Variants in LDLRAD4 observed in about 807,000 individuals in gnomAD.
LDLRAD4 encodes low density lipoprotein receptor class A domain containing 4, also known as low-density lipoprotein receptor class A domain-containing protein 4.
In LDLRAD4, 5 loss-of-function variants were observed where a neutral mutation model predicts 17.0. The observed-to-expected ratio is 0.29, with a 90% confidence interval of 0.15 to 0.62. LDLRAD4 has a LOEUF of 0.62. LDLRAD4 is among the 20% of genes least tolerant of loss of function. The probability of loss-of-function intolerance (pLI) is 0.84; values close to 1 mark genes in which losing one functional copy is unlikely to be tolerated. For synonymous variants in LDLRAD4, 168 were observed against 171.8 expected (o/e 0.98, Z 0.17); for missense variants, 340 against 424.7 (o/e 0.80, Z 1.75).
chr18:13,486,142 AC>A (rs775197130), intron 3 of LDLRAD4, among the ~76,000 whole-genome samples: 8 of 152,176 alleles, frequency 5.3e-5, no homozygotes, highest in Non-Finnish European at 1.2e-4. Context: ...CTGGATTTTA[AC>A]CCCGTTCTCT....
intron 1 of LDLRAD4, among the ~76,000 whole-genome samples, chr18:13,245,308 C>T (rs1003705649): frequency 3.3e-5 from 5 of 152,136 alleles, no homozygotes; most frequent in East Asian, 1.9e-4. Context: ...GAGACAGGCA[C>T]GTGAGGGCAG....
At chr18:13,428,139 A>G (rs2090080235) in intron 2 of LDLRAD4, among the ~76,000 whole-genome samples, 2 of 152,234 alleles carry the variant, frequency 1.3e-5, no homozygotes, top group African/African-American at 4.8e-5. Flanking sequence ...AAGAAATATG[A>G]TGTGTATATT....
intron 2 of LDLRAD4, among the ~76,000 whole-genome samples, chr18:13,396,967 TA>T (rs1206302829): frequency 2.0e-5 from 3 of 152,188 alleles, no homozygotes; most frequent in African/African-American, 7.2e-5. Context: ...AGAATTCCTT[TA>T]AAGAAGCTAT....
intron 3 of LDLRAD4, among the ~76,000 whole-genome samples, chr18:13,619,695 G>A (rs1336488625): frequency 2.0e-5 from 3 of 152,180 alleles, no homozygotes; most frequent in African/African-American, 7.2e-5. Flanking sequence ...CTGGGGCGGG[G>A]CCGGCAGGCC....
intron 2 of LDLRAD4, chr18:13,421,025 G>GT (rs2089396792): frequency 6.6e-6 from 1 of 152,238 alleles, no homozygotes; most frequent in Non-Finnish European, 1.5e-5. Context: ...AGGCACGCCA[G>GT]GGACGCTGAG....
At chr18:13,275,366 G>A (rs1222083260), upstream of LDLRAD4, among the ~76,000 whole-genome samples, 2 of 152,236 alleles carry the variant, frequency 1.3e-5, no homozygotes, top group African/African-American at 2.4e-5. Flanking sequence ...AATGAAATCA[G>A]TGCTGGAGAA....
rs61241675 is a variant in LDLRAD4 at position 13,586,862 on chromosome 18, T to TA, written c.182-34239dup. 3.3e-3 allele frequency among the ~76,000 whole-genome samples: 348 copies of TA among 104,102 alleles called. 5 individuals carry two copies. The East Asian group carries it at 0.034, about 10-fold the overall frequency. 68.3% of individuals were successfully genotyped at this position (104,102 alleles called of 152,430 possible). A position where few individuals can be genotyped will look rare whatever the true frequency, so the allele number is the denominator to read the frequency against. On this transcript the variant is annotated intron_variant, in intron 3 of 5. Coordinates refer to ENST00000359446, the Ensembl canonical transcript of LDLRAD4. ...GGGTGACAGAGTGAGACTCTGAATCTAAAAAAAAAAAAAAAAGGAAAAAAA... is the reference window on the plus strand; with the variant it reads ...GGGTGACAGAGTGAGACTCTGAATCTAAAAAAAAAAAAAAAAAGGAAAAAAA...
chr18:13,621,095 C>A lies in LDLRAD4; in HGVS notation c.182-22C>A, dbSNP rs1234816733. On this transcript the variant is annotated intron_variant, in intron 3 of 5. Coordinates refer to ENST00000359446, the Ensembl canonical transcript of LDLRAD4. The surrounding 1 kb of genome is among the most constrained non-coding windows in gnomAD (Gnocchi z 5.5). ...GGGACTGGAGGGGCCAGGTGGCTAA[C>A]CACTCTCCTCTTCCATGGCAGCGGA... is the stretch of plus-strand genomic sequence containing the variant. 2 of 1,614,006 alleles carry A rather than the reference C, an allele frequency of 1.2e-6. No homozygotes were observed. The highest frequency in any genetic ancestry group is 1.7e-6 in the Non-Finnish European group (2 of 1,180,024).
chr18:13,245,156 C>T (rs915222724), intron 1 of LDLRAD4, among the ~76,000 whole-genome samples: 5 of 152,148 alleles, frequency 3.3e-5, no homozygotes, highest in African/African-American at 9.7e-5. Context: ...GCAACCATTC[C>T]ATGTGGAGCT....
chr18:13,329,164 A>G (rs554668780), intron 1 of LDLRAD4, among the ~76,000 whole-genome samples: 20 of 152,324 alleles, frequency 1.3e-4, no homozygotes, highest in African/African-American at 4.3e-4. Context: ...CATTTGTAGG[A>G]TACATTCCCA....
intron 1 of LDLRAD4, among the ~76,000 whole-genome samples, chr18:13,282,777 C>G (rs559165310): frequency 3.9e-5 from 6 of 152,360 alleles, no homozygotes; most frequent in African/African-American, 1.4e-4. Flanking sequence ...CCCAGCTCCA[C>G]TAGGCCATGC....
intron 1 of LDLRAD4, among the ~76,000 whole-genome samples, chr18:13,317,205 A>C (rs1313337775): frequency 6.6e-6 from 1 of 152,190 alleles, no homozygotes; most frequent in Admixed American, 6.5e-5. Flanking sequence ...CCCAAGGATG[A>C]TAGTTTACTG....
chr18:13,647,350 G>A (rs553457771), exon 6 of LDLRAD4: 6 of 152,282 alleles, frequency 3.9e-5, no homozygotes, highest in South Asian at 2.1e-4. Flanking sequence ...GACACTGCGC[G>A]TGGAGAAGGG....
chr18:13,411,983 G>A (rs996845995), intron 2 of LDLRAD4, among the ~76,000 whole-genome samples: 2 of 152,018 alleles, frequency 1.3e-5, no homozygotes, highest in African/African-American at 4.8e-5. Flanking sequence ...GCTGATTACA[G>A]GTGCACATCA....
chr18:13,329,885 T>A (rs1436247488), intron 1 of LDLRAD4, among the ~76,000 whole-genome samples: 1 of 152,218 alleles, frequency 6.6e-6, no homozygotes, highest in East Asian at 1.9e-4. Flanking sequence ...TTTTAACCAT[T>A]ATTCTTTTAA....
At chr18:13,294,084 C>CA (rs1341793256) in intron 1 of LDLRAD4, among the ~76,000 whole-genome samples, 5 of 152,226 alleles carry the variant, frequency 3.3e-5, no homozygotes, top group East Asian at 1.9e-4. Flanking sequence ...TGTGAAAAAT[C>CA]AGACCTTGGC....
intron 3 of LDLRAD4, among the ~76,000 whole-genome samples, chr18:13,477,144 TG>T (rs1352583169): frequency 6.6e-6 from 1 of 152,208 alleles, no homozygotes. Flanking sequence ...CCAGGAGGAT[TG>T]GGCCCTAATT....
chr18:13,525,724 G>A (rs964599578), intron 3 of LDLRAD4, among the ~76,000 whole-genome samples: 1 of 152,242 alleles, frequency 6.6e-6, no homozygotes, highest in Non-Finnish European at 1.5e-5. Context: ...GCTTGCCTGC[G>A]CCTGGGTCCC....
intron 3 of LDLRAD4, among the ~76,000 whole-genome samples, chr18:13,457,922 A>G (rs577020145): frequency 6.6e-6 from 1 of 152,272 alleles, no homozygotes; most frequent in South Asian, 2.1e-4. Flanking sequence ...GATGTGGCAA[A>G]TACTTAATCA....
Sources: allele counts gnomAD v4.1 joint callset (sites outside exome capture counted in the v4.1 genomes callset), GRCh38; gene constraint gnomAD v4.1.1; non-coding constraint Gnocchi (gnomAD v3.1); transcripts MANE v1.5; gene names NCBI Gene and HGNC (gene_info 2026-07-23, HGNC 2026-07-21).